Variants in COMMD10 observed in about 807,000 individuals in gnomAD.
COMMD10 encodes the protein COMM domain containing 10.
COMMD10 carries 33 observed loss-of-function variants against 28.9 expected under a neutral mutation model. The observed-to-expected ratio is 1.14, with a 90% CI of 0.87 to 1.53. The LOEUF is 1.53. Among genes scored for constraint, COMMD10 ranks in the 40% most tolerant of loss-of-function variants. The probability of loss-of-function intolerance (pLI) is 0.00; values close to 1 mark genes in which losing one functional copy is unlikely to be tolerated. For synonymous variants in COMMD10, 110 were observed against 81.7 expected (o/e 1.35, Z -1.87); for missense variants, 310 against 233.4 (o/e 1.33, Z -2.14).
intron 5 of COMMD10, among the ~76,000 whole-genome samples, chr5:116,173,414 G>C (rs1278014393): frequency 5.9e-5 from 9 of 152,042 alleles, no homozygotes; most frequent in Admixed American, 3.3e-4. Context: ...GGAATTTCCT[G>C]ATTTTTAACA....
chr5:116,110,702 A>G (rs895345360), intron 4 of COMMD10, among the ~76,000 whole-genome samples: 2 of 152,212 alleles, frequency 1.3e-5, no homozygotes, highest in Admixed American at 6.5e-5. Context: ...TACTGGAAGC[A>G]TGATGCTAGC....
chr5:116,160,698 A>G (rs887395951), intron 5 of COMMD10, among the ~76,000 whole-genome samples: 4 of 152,236 alleles, frequency 2.6e-5, no homozygotes, highest in Non-Finnish European at 2.9e-5. Flanking sequence ...TAAAGCCTGT[A>G]TAATTTTCTT....
At chr5:116,284,421 C>T (rs1751165568) in intron 5 of COMMD10, among the ~76,000 whole-genome samples, 1 of 151,684 alleles carries the variant, frequency 6.6e-6, no homozygotes, top group Admixed American at 6.6e-5. Flanking sequence ...TTATGGATGA[C>T]AAGATGTGGA....
intron 5 of COMMD10, among the ~76,000 whole-genome samples, chr5:116,274,358 T>C (rs1355904018): frequency 2.0e-5 from 3 of 151,894 alleles, no homozygotes; most frequent in Non-Finnish European, 4.4e-5. Flanking sequence ...TTGCAGACTA[T>C]ACAGCTCTGC....
chr5:116,256,278 T>C (rs2416437), intron 5 of COMMD10, among the ~76,000 whole-genome samples: 55,850 of 151,444 alleles, frequency 0.37, 12,997 homozygotes, highest in African/African-American at 0.66. Flanking sequence ...AAACTTCAAA[T>C]GGCAGTATCG....
intron 5 of COMMD10, among the ~76,000 whole-genome samples, chr5:116,226,683 T>G (rs1031159408): frequency 6.6e-6 from 1 of 151,920 alleles, no homozygotes; most frequent in Non-Finnish European, 1.5e-5. Context: ...CTGAAGCCAA[T>G]ACCTTGGGAA....
intron 5 of COMMD10, among the ~76,000 whole-genome samples, chr5:116,197,209 A>AT (rs1748546990): frequency 6.6e-6 from 1 of 152,170 alleles, no homozygotes; most frequent in Non-Finnish European, 1.5e-5. Flanking sequence ...AGTTCATTTC[A>AT]TTCATTCAGC....
chr5:116,203,577 G>A (rs1748730216), intron 5 of COMMD10, among the ~76,000 whole-genome samples: 1 of 152,098 alleles, frequency 6.6e-6, no homozygotes, highest in Non-Finnish European at 1.5e-5. Flanking sequence ...GAGAGTGGGG[G>A]CCAATATTCA....
intron 5 of COMMD10, among the ~76,000 whole-genome samples, chr5:116,159,530 G>GAT (rs562752559): frequency 8.1e-4 from 124 of 152,280 alleles, no homozygotes; most frequent in African/African-American, 2.8e-3. Context: ...AGATAAAAAG[G>GAT]ATATTAAGGT....
intron 5 of COMMD10, among the ~76,000 whole-genome samples, chr5:116,189,126 C>T (rs1748256978): frequency 6.6e-6 from 1 of 152,264 alleles, no homozygotes; most frequent in South Asian, 2.1e-4. Flanking sequence ...CAGATAGTTC[C>T]TCTCATAACT....
At chr5:116,204,713 G>A (rs1297780727) in intron 5 of COMMD10, among the ~76,000 whole-genome samples, 1 of 152,036 alleles carries the variant, frequency 6.6e-6, no homozygotes, top group Admixed American at 6.6e-5. Context: ...TAATTAAATT[G>A]CAAAGTTTAA....
rs112807258 is a variant in COMMD10 at position 116,207,271 on chromosome 5, A to G, written c.510+73093A>G. 8.0e-3 allele frequency among the ~76,000 whole-genome samples: 1,226 copies of G among 152,314 alleles called. 16 individuals are homozygous for G. Among genetic ancestry groups the G allele is most frequent in the African/African-American group, 0.027 (1,120 of 41,566 alleles). ...TGTCCAATAGCTATGTTTTATATCA[A>G]TATGAACTGCATTGTGTTTTATTAC... On this transcript the variant is annotated intron_variant, in intron 5 of 6. Transcript: ENST00000274458.
At chr5:116,162,794 G>T (rs1015351297) in intron 5 of COMMD10, among the ~76,000 whole-genome samples, 7 of 152,176 alleles carry the variant, frequency 4.6e-5, no homozygotes, top group Admixed American at 1.3e-4. Context: ...GTCTCCATCA[G>T]TGTTGGGTTA....
intron 5 of COMMD10, among the ~76,000 whole-genome samples, chr5:116,258,729 CT>C (rs1414352679): frequency 6.6e-6 from 1 of 151,540 alleles, no homozygotes; most frequent in Non-Finnish European, 1.5e-5. Context: ...CTCTTTCTTT[CT>C]CTTTGGAAGA....
intron 5 of COMMD10, among the ~76,000 whole-genome samples, chr5:116,150,325 G>C (rs1752482626): frequency 1.3e-5 from 2 of 152,104 alleles, no homozygotes; most frequent in Non-Finnish European, 2.9e-5. Context: ...GCTTAGGATT[G>C]ACTTGGCAAT....
chr5:116,167,534 A>G (rs796281747), intron 5 of COMMD10, among the ~76,000 whole-genome samples: 5 of 152,280 alleles, frequency 3.3e-5, no homozygotes, highest in African/African-American at 1.2e-4. Context: ...ACCCCAAGAC[A>G]CATAATCATC....
intron 5 of COMMD10, among the ~76,000 whole-genome samples, chr5:116,242,078 G>A (rs1236196870): frequency 1.3e-5 from 2 of 152,154 alleles, no homozygotes; most frequent in African/African-American, 4.8e-5. Context: ...TAACTCTAAT[G>A]TACATTCCTT....
chr5:116,255,643 C>T (rs925249174), intron 5 of COMMD10: 1 of 151,602 alleles, frequency 6.6e-6, no homozygotes, highest in East Asian at 1.9e-4. Context: ...TTAGTGTTTA[C>T]ATTTTATCAT....
intron 5 of COMMD10, among the ~76,000 whole-genome samples, chr5:116,274,812 T>C (rs1750857189): frequency 6.6e-6 from 1 of 151,796 alleles, no homozygotes; most frequent in Non-Finnish European, 1.5e-5. Flanking sequence ...AAGGATTTAT[T>C]ATTGATCTTC....
Sources: allele counts gnomAD v4.1 joint callset (sites outside exome capture counted in the v4.1 genomes callset), GRCh38; gene constraint gnomAD v4.1.1; transcripts MANE v1.5; gene names NCBI Gene and HGNC (gene_info 2026-07-23, HGNC 2026-07-21).